KCNG3: variants seen among roughly 807,000 people sequenced by gnomAD.
KCNG3 encodes the protein voltage-gated potassium channel regulatory subunit KCNG3.
In KCNG3, 15 loss-of-function variants were observed where a neutral mutation model predicts 29.0. The ratio of observed to expected loss-of-function variants is 0.52; its 90% CI spans 0.35 to 0.80. The LOEUF (loss-of-function observed/expected upper bound fraction) is 0.80, where lower values mean the gene tolerates loss of function less well. Ranked by LOEUF, KCNG3 falls within the 30% of genes least tolerant of loss-of-function variation. KCNG3 has a pLI of 0.01. For synonymous variants in KCNG3, 322 were observed against 248.9 expected (o/e 1.29, Z -2.76); for missense variants, 512 against 605.7 (o/e 0.85, Z 1.62).
chr2:42,440,030 T>G (rs1338892782), downstream of KCNG3, among the ~76,000 whole-genome samples: 1 of 152,118 alleles, frequency 6.6e-6, no homozygotes, highest in Admixed American at 6.5e-5. Flanking sequence ...AAGCCAAAAG[T>G]CTGGAAATCA....
downstream of KCNG3, among the ~76,000 whole-genome samples, chr2:42,441,173 G>C (rs1672472349): frequency 6.6e-6 from 1 of 152,094 alleles, no homozygotes; most frequent in Non-Finnish European, 1.5e-5. Context: ...TTGAGGCCAG[G>C]AGTTTGAGGC....
chr2:42,406,120 T>G, the KCNG3 span, among the ~76,000 whole-genome samples: 1 of 152,220 alleles, frequency 6.6e-6, no homozygotes, highest in Non-Finnish European at 1.5e-5. Context: ...CTGCTTTATC[T>G]GCATCCCACA....
chr2:42,472,903 A>AC (rs1553330066), intron 1 of KCNG3, among the ~76,000 whole-genome samples: 2 of 131,550 alleles, frequency 1.5e-5, no homozygotes, highest in African/African-American at 5.8e-5. Context: ...ATATATATAT[A>AC]TTTTTTTTTT....
the KCNG3 span, among the ~76,000 whole-genome samples, chr2:42,408,826 T>G: frequency 3.3e-5 from 5 of 152,118 alleles, no homozygotes; most frequent in Non-Finnish European, 7.4e-5. Context: ...TGAAGAGAAG[T>G]AGAGAAGAGC....
chr2:42,422,667 C>T, the KCNG3 span, among the ~76,000 whole-genome samples: 8 of 152,042 alleles, frequency 5.3e-5, no homozygotes, highest in Non-Finnish European at 1.2e-4. Flanking sequence ...GAAGTAATGG[C>T]TATGAGGACT....
At chr2:42,416,818 CAAAAAAA>C in the KCNG3 span, among the ~76,000 whole-genome samples, 4 of 89,604 alleles carry the variant, frequency 4.5e-5, no homozygotes, top group African/African-American at 8.6e-5. Flanking sequence ...TCCCCTGTCT[CAAAAAAA>C]AAAAAAAGAA....
chr2:42,484,126 T>C (rs913934229), intron 1 of KCNG3, among the ~76,000 whole-genome samples: 20 of 152,094 alleles, frequency 1.3e-4, no homozygotes, highest in African/African-American at 2.9e-4. Flanking sequence ...AAAAGGCCAA[T>C]TGCTGAACAA....
At chr2:42,395,453 G>C in the KCNG3 span, among the ~76,000 whole-genome samples, 2 of 152,266 alleles carry the variant, frequency 1.3e-5, no homozygotes, top group African/African-American at 4.8e-5. Context: ...TGTAATCCCA[G>C]CACTTTGGGA....
At chr2:42,448,344 C>CTTATTTAT (rs5830729) in intron 1 of KCNG3, among the ~76,000 whole-genome samples, 6,880 of 145,686 alleles carry the variant, frequency 0.047, 190 homozygotes, top group East Asian at 0.1. Flanking sequence ...CCACTTCCCA[C>CTTATTTAT]TTATTTATTT....
the KCNG3 span, among the ~76,000 whole-genome samples, chr2:42,397,941 G>A: frequency 4.0e-5 from 6 of 151,886 alleles, no homozygotes; most frequent in African/African-American, 1.2e-4. Context: ...TCAAGAAGAC[G>A]GGCTGGGCAC....
At chr2:42,389,437 G>A in the KCNG3 span, among the ~76,000 whole-genome samples, 3 of 152,240 alleles carry the variant, frequency 2.0e-5, no homozygotes, top group Non-Finnish European at 2.9e-5. Context: ...TCCTGGGAAT[G>A]AAATGATGGG....
chr2:42,437,156 A>G (rs761811177), downstream of KCNG3, among the ~76,000 whole-genome samples: 1 of 152,192 alleles, frequency 6.6e-6, no homozygotes, highest in Non-Finnish European at 1.5e-5. Context: ...TCCACCTTGT[A>G]CCACAGCACA....
intron 1 of KCNG3, among the ~76,000 whole-genome samples, chr2:42,454,706 A>G (rs1362907641): frequency 6.6e-6 from 1 of 151,612 alleles, no homozygotes; most frequent in Non-Finnish European, 1.5e-5. Context: ...CTCTGCCTCA[A>G]AAAAAGAAAA....
intron 1 of KCNG3, among the ~76,000 whole-genome samples, chr2:42,455,880 C>T (rs1205375130): frequency 6.6e-6 from 1 of 150,544 alleles, no homozygotes. Flanking sequence ...AAGCAATAGG[C>T]CAACACAGAA....
At chr2:42,482,686 A>T (rs1673618912) in intron 1 of KCNG3, among the ~76,000 whole-genome samples, 1 of 152,148 alleles carries the variant, frequency 6.6e-6, no homozygotes, top group East Asian at 1.9e-4. Context: ...CTGAGATTGC[A>T]CCACTGCACT....
At chr2:42,436,381 G>A in the KCNG3 span, among the ~76,000 whole-genome samples, 10 of 152,132 alleles carry the variant, frequency 6.6e-5, no homozygotes, top group African/African-American at 9.7e-5. Context: ...TATGGCATAC[G>A]AATTATGTCT....
chr2:42,424,883 G>A, the KCNG3 span: 3 of 152,340 alleles, frequency 2.0e-5, no homozygotes, highest in East Asian at 5.8e-4. Context: ...AGAGGGAAAT[G>A]CAGGACCCCG....
chr2:42,456,977 A>C (rs773194735), intron 1 of KCNG3, among the ~76,000 whole-genome samples: 5 of 152,164 alleles, frequency 3.3e-5, no homozygotes, highest in Non-Finnish European at 7.4e-5. Flanking sequence ...TTTCTTACAC[A>C]CTTTAATTAT....
chr2:42,476,574 C>A (rs1673431653), intron 1 of KCNG3, among the ~76,000 whole-genome samples: 1 of 152,046 alleles, frequency 6.6e-6, no homozygotes, highest in South Asian at 2.1e-4. Context: ...GCAACCTCTA[C>A]CTCCCGGGTT....
Sources: gnomAD v4.1 joint callset for allele counts (sites outside exome capture counted in the v4.1 genomes callset) on GRCh38, gnomAD v4.1.1 for gene constraint, MANE v1.5 for transcripts, NCBI Gene and HGNC (gene_info 2026-07-23, HGNC 2026-07-21) for gene names.